Variants in ZFHX3 observed in about 807,000 individuals in gnomAD.
ZFHX3 encodes the protein zinc finger homeobox 3.
A neutral mutation model predicts 279.1 loss-of-function variants in ZFHX3; 42 were observed. The ratio of observed to expected loss-of-function variants is 0.15; its 90% confidence interval spans 0.12 to 0.19. The LOEUF is 0.19. ZFHX3 is among the 10% of genes least tolerant of loss of function. ZFHX3 has a pLI of 1.00. For synonymous variants in ZFHX3, 2,293 were observed against 1,957.8 expected (o/e 1.17, Z -4.52); for missense variants, 4,981 against 4,754.0 (o/e 1.05, Z -1.40).
intron 3 of ZFHX3, among the ~76,000 whole-genome samples, chr16:73,442,215 T>C (rs1330066486): frequency 1.3e-5 from 2 of 152,198 alleles, no homozygotes; most frequent in African/African-American, 2.4e-5. Flanking sequence ...TTCATGTTAG[T>C]TTGCAGGTGG....
At chr16:72,863,633 T>C (rs1404734590) in intron 4 of ZFHX3, among the ~76,000 whole-genome samples, 2 of 152,116 alleles carry the variant, frequency 1.3e-5, no homozygotes, top group Non-Finnish European at 1.5e-5. Context: ...TGAGGGGTAG[T>C]GTATAGATGA....
chr16:73,628,696 T>C (rs1597035749), intron 2 of ZFHX3, among the ~76,000 whole-genome samples: 1 of 152,362 alleles, frequency 6.6e-6, no homozygotes, highest in East Asian at 1.9e-4. Context: ...AAGTTTCATA[T>C]TGCATGGTAA....
intron 3 of ZFHX3, among the ~76,000 whole-genome samples, chr16:72,939,758 G>A (rs1158640652): frequency 6.6e-6 from 1 of 152,136 alleles, no homozygotes; most frequent in Non-Finnish European, 1.5e-5. Flanking sequence ...TATGGTGGCA[G>A]GCGCCTGTAA....
chr16:73,733,344 G>A lies in ZFHX3; in HGVS notation c.-1607-53104C>T, dbSNP rs530321888. Among the ~76,000 whole-genome samples the A allele has an allele frequency of 1.4e-4, 22 of 152,208 alleles. 1 individual carries two copies. In the East Asian group the frequency reaches 3.1e-3, roughly 21 times the overall value. On this transcript the variant is annotated intron_variant, in intron 1 of 17. Coordinates refer to the ZFHX3 transcript ENST00000641206. ...ATTTAACTCATAAAGCTGCAGAGGT[G>A]CAAATGCATATCACTCTATCAGCCA...
intron 2 of ZFHX3, among the ~76,000 whole-genome samples, chr16:73,606,513 G>T (rs1322022088): frequency 1.3e-5 from 2 of 150,840 alleles, no homozygotes; most frequent in Admixed American, 1.3e-4. Flanking sequence ...ATCCATGCTT[G>T]TCTTGGTCCT....
intron 4 of ZFHX3, among the ~76,000 whole-genome samples, chr16:72,848,850 G>A (rs993645959): frequency 1.1e-4 from 17 of 151,900 alleles, no homozygotes; most frequent in South Asian, 6.2e-4. Flanking sequence ...GTCACGGAAC[G>A]TCACCTTGGC....
chr16:73,592,675 G>T (rs758340762), intron 2 of ZFHX3, among the ~76,000 whole-genome samples: 3 of 151,926 alleles, frequency 2.0e-5, no homozygotes, highest in Non-Finnish European at 4.4e-5. Flanking sequence ...AATGATGGGG[G>T]CCTTAGGGTT....
intron 3 of ZFHX3, among the ~76,000 whole-genome samples, chr16:73,365,465 A>T (rs2016513873): frequency 6.6e-6 from 1 of 152,246 alleles, no homozygotes; most frequent in South Asian, 2.1e-4. Context: ...CTTGCTAGCG[A>T]TGGGGCTCAG....
intron 1 of ZFHX3, among the ~76,000 whole-genome samples, chr16:73,855,158 C>A (rs561591674): frequency 6.6e-6 from 1 of 151,894 alleles, no homozygotes; most frequent in Admixed American, 6.6e-5. Flanking sequence ...GAAATAACAA[C>A]CCCTCCTTGC....
At chr16:73,578,663 T>G (rs2051825981) in intron 2 of ZFHX3, among the ~76,000 whole-genome samples, 1 of 152,172 alleles carries the variant, frequency 6.6e-6, no homozygotes, top group African/African-American at 2.4e-5. Flanking sequence ...GGAGTTAAAC[T>G]AGAATCCAGG....
chr16:73,365,746 G>A (rs1358177488), intron 3 of ZFHX3, among the ~76,000 whole-genome samples: 1 of 152,160 alleles, frequency 6.6e-6, no homozygotes, highest in African/African-American at 2.4e-5. Flanking sequence ...AACACAGCCT[G>A]TAGAAAGTCA....
rs1259576011 is a variant in ZFHX3, at chr16:73,163,037, AG to A, written c.-1103-19207del. On this transcript the variant is annotated intron_variant, in intron 5 of 17. Transcript: ENST00000641206. ...TGTAGCTTTTCCCTCAGGATTTGAT[AG>A]TGATTGGTAGGCAGCATTTTTCCTG... 2.6e-5 allele frequency among the ~76,000 whole-genome samples: 4 copies of A among 152,296 alleles called. No homozygotes were observed. The East Asian group carries it at 5.8e-4, about 22-fold the overall frequency.
chr16:73,369,985 T>C (rs1389047772), intron 3 of ZFHX3, among the ~76,000 whole-genome samples: 1 of 152,162 alleles, frequency 6.6e-6, no homozygotes, highest in African/African-American at 2.4e-5. Context: ...ACACAAAAGA[T>C]CCCTTTTATG....
In ZFHX3 at chr16:73,010,024, G is replaced by GAAAAAAAAA. The variant is rs10709712; in HGVS notation, c.-50+37719_-50+37727dup. Among the ~76,000 whole-genome samples the GAAAAAAAAA allele has an allele frequency of 3.1e-3, 261 of 84,620 alleles. 6 individuals carry two copies. The highest frequency in any genetic ancestry group is 5.2e-3 in the African/African-American group (128 of 24,802). 55.5% of individuals were successfully genotyped at this position (84,620 alleles called of 152,430 possible). A position where few individuals can be genotyped will look rare whatever the true frequency, so the allele number is the denominator to read the frequency against. ...TTACAGAGCGAGACTCCCTCTCAAA[G>GAAAAAAAAA]AAAAAAAAAAAAAAAAAAACTCATA... On this transcript the variant is annotated intron_variant, in intron 1 of 9. Coordinates refer to ENST00000268489, the MANE Select transcript of ZFHX3 (RefSeq NM_006885.4).
intron 1 of ZFHX3, among the ~76,000 whole-genome samples, chr16:73,741,439 CACAA>C (rs1394355736): frequency 6.6e-6 from 1 of 152,196 alleles, no homozygotes; most frequent in Non-Finnish European, 1.5e-5. Flanking sequence ...CAGTTTCTCT[CACAA>C]ACAGTCTCCA....
chr16:73,013,443 A>G (rs1963989251), intron 1 of ZFHX3, among the ~76,000 whole-genome samples: 1 of 151,948 alleles, frequency 6.6e-6, no homozygotes, highest in African/African-American at 2.4e-5. Context: ...GTGTGCCACC[A>G]CACCCAGCTA....
At chr16:73,663,364 G>T (rs2052804580) in intron 2 of ZFHX3, among the ~76,000 whole-genome samples, 1 of 152,170 alleles carries the variant, frequency 6.6e-6, no homozygotes, top group African/African-American at 2.4e-5. Flanking sequence ...AAATGCAACA[G>T]GCATTCATCC....
chr16:73,434,979 G>T lies in ZFHX3; in HGVS notation c.-1291+21024C>A, dbSNP rs117506561. On this transcript the variant is annotated intron_variant, in intron 3 of 17. Transcript: ENST00000641206. ...CCTCTGCAATGCATCAATAGTGCCT[G>T]GCAGGAAGTAAATAGGACTCAATAC... is the stretch of plus-strand genomic sequence containing the variant. Among the ~76,000 whole-genome samples the T allele has an allele frequency of 7.0e-3, 1,063 of 152,262 alleles. 6 individuals carry two copies. The highest frequency in any genetic ancestry group is 0.011 in the Non-Finnish European group (724 of 68,026).
At chr16:73,688,356 CA>C (rs61469980) in intron 1 of ZFHX3, among the ~76,000 whole-genome samples, 144 of 103,736 alleles carry the variant, frequency 1.4e-3, no homozygotes, top group Middle Eastern at 5.7e-3. Context: ...GACTCCATCT[CA>C]AAAAAAAAAA....
Sources: allele counts gnomAD v4.1 joint callset (sites outside exome capture counted in the v4.1 genomes callset), GRCh38; gene constraint gnomAD v4.1.1; transcripts MANE v1.5; gene names NCBI Gene and HGNC (gene_info 2026-07-23, HGNC 2026-07-21).